FAM13C: variants seen among roughly 807,000 people sequenced by gnomAD.
FAM13C encodes the protein family with sequence similarity 13 member C.
Under a neutral mutation model 73.2 loss-of-function variants are expected in FAM13C, and 37 were observed. The observed-to-expected ratio is 0.51, with a 90% confidence interval of 0.39 to 0.67. FAM13C has a LOEUF of 0.67. Among genes scored for constraint, FAM13C ranks in the 30% least tolerant of loss-of-function variants. FAM13C has a pLI of 0.00. For synonymous variants in FAM13C, 246 were observed against 260.9 expected, an observed-to-expected ratio of 0.94 and a Z score of 0.55; for missense variants, 589 against 715.6, an observed-to-expected ratio of 0.82 and a Z score of 2.02.
At chr10:59,302,387 T>C (rs1277343916) in intron 5 of FAM13C, among the ~76,000 whole-genome samples, 1 of 152,246 alleles carries the variant, frequency 6.6e-6, no homozygotes. Flanking sequence ...CACTAAACTA[T>C]ATCATTCTTA....
At position 59,246,578 on chromosome 10, in the gene FAM13C, C is replaced by A. The variant is rs544885161; in HGVS notation, c.*1036G>T. 2 of 396,786 alleles carry A rather than the reference C, an allele frequency of 5.0e-6. No homozygotes were observed. Among genetic ancestry groups the A allele is most frequent in the Admixed American group, 8.8e-5 (2 of 22,678 alleles). 24.6% of individuals were successfully genotyped at this position (396,786 alleles called of 1,614,324 possible). A position where few individuals can be genotyped will look rare whatever the true frequency, so the allele number is the denominator to read the frequency against. ...AAAATGAAAATAATAAACATGTTTT[C>A]GTATAAAATAACACAAAATGATATA... is the stretch of plus-strand genomic sequence containing the variant. On this transcript the variant is annotated 3_prime_UTR_variant, in exon 14 of 14. Coordinates refer to ENST00000618804, the MANE Select transcript of FAM13C (RefSeq NM_198215.4).
At chr10:59,359,912 A>T (rs1239125804) in intron 1 of FAM13C, among the ~76,000 whole-genome samples, 3 of 152,224 alleles carry the variant, frequency 2.0e-5, no homozygotes, top group Admixed American at 6.5e-5. Context: ...TTAAAATAGC[A>T]AGTTAGCTGG....
At chr10:59,271,341 G>T (rs1843696645) in intron 6 of FAM13C, among the ~76,000 whole-genome samples, 1 of 152,212 alleles carries the variant, frequency 6.6e-6, no homozygotes, top group Non-Finnish European at 1.5e-5. Flanking sequence ...AGCTTGAAAT[G>T]CAATCTGCTT....
At chr10:59,333,414 T>C (rs547385412) in intron 3 of FAM13C, among the ~76,000 whole-genome samples, 9 of 152,172 alleles carry the variant, frequency 5.9e-5, no homozygotes, top group Admixed American at 1.3e-4. Flanking sequence ...CTTGAACCTG[T>C]GAGAGGGAGT....
chr10:59,255,086 A>G (rs917029780), intron 10 of FAM13C, among the ~76,000 whole-genome samples: 2 of 152,162 alleles, frequency 1.3e-5, no homozygotes, highest in African/African-American at 4.8e-5. Flanking sequence ...CTTCTGAAAC[A>G]TGTATTTTAT....
At chr10:59,330,613 A>G (rs894892379) in intron 3 of FAM13C, among the ~76,000 whole-genome samples, 3 of 152,120 alleles carry the variant, frequency 2.0e-5, no homozygotes, top group African/African-American at 7.2e-5. Context: ...AGGATTTACC[A>G]GTTGTGAGAT....
At chr10:59,318,544 G>C (rs1849816554) in intron 4 of FAM13C, among the ~76,000 whole-genome samples, 1 of 152,130 alleles carries the variant, frequency 6.6e-6, no homozygotes. Context: ...TATGTTAGAG[G>C]AGGGGGCCCA....
At position 59,262,421 on chromosome 10, in the gene FAM13C, C is replaced by A. The variant is rs1351605560; in HGVS notation, c.1236+13G>T. On this transcript the variant is annotated intron_variant, in intron 10 of 13. Coordinates refer to ENST00000618804, the MANE Select transcript of FAM13C (RefSeq NM_198215.4). ...TACAGGGGCCCTCTATATAACAAGA[C>A]ATGGTGATGTACCTTAGAATCCTCC... 2 of 1,612,166 alleles carry A rather than the reference C, an allele frequency of 1.2e-6. No homozygotes were observed. The highest frequency in any genetic ancestry group is 4.5e-5 in the East Asian group (2 of 44,850).
chr10:59,319,136 C>T (rs562419186), intron 4 of FAM13C, among the ~76,000 whole-genome samples: 1 of 146,066 alleles, frequency 6.8e-6, no homozygotes. Context: ...ATCTCAAAAA[C>T]AAAAGATGAA....
chr10:59,292,861 T>C (rs1846424351), intron 5 of FAM13C, among the ~76,000 whole-genome samples: 1 of 152,134 alleles, frequency 6.6e-6, no homozygotes, highest in Non-Finnish European at 1.5e-5. Flanking sequence ...AAATCTTCTC[T>C]CCTAGCTATT....
chr10:59,360,471 C>T (rs1856257911), intron 1 of FAM13C, among the ~76,000 whole-genome samples: 1 of 152,122 alleles, frequency 6.6e-6, no homozygotes, highest in African/African-American at 2.4e-5. Context: ...CACACCCAAA[C>T]ATTTCCTGAG....
rs1405894636 is a variant in FAM13C, at chr10:59,262,512, A to G, written c.1158T>C (p.Ser386=). 6.2e-7 allele frequency: 1 copy of G among 1,613,708 alleles called. No homozygotes were observed. The highest frequency in any genetic ancestry group is 8.5e-7 in the Non-Finnish European group (1 of 1,179,766). The part of the protein sequence containing the change: ...PEAAGPEPSS[S]GEETPDAALT... The stretch of plus-strand genomic sequence containing the variant: ...AGGCAGCATCTGGAGTCTCTTCTCC[A>G]GAGGAGCTTGGCTCCGGGCCCGCAG... Residue 386 remains serine (S), a synonymous_variant, in exon 10 of 14, where the codon TCT becomes TCC. Transcript: ENST00000618804.
chr10:59,323,943 A>C, intron 4 of FAM13C, 45 bp downstream of exon 4: 3 of 1,533,002 alleles, frequency 2.0e-6, no homozygotes, highest in Non-Finnish European at 2.7e-6. Flanking sequence ...ATTTCTGAGA[A>C]AGGAACCACA....
At chr10:59,326,643 T>C (rs1005483999) in intron 3 of FAM13C, among the ~76,000 whole-genome samples, 2 of 152,100 alleles carry the variant, frequency 1.3e-5, no homozygotes, top group East Asian at 3.9e-4. Flanking sequence ...GAATAAAGAT[T>C]TTTAGTTTAG....
intron 6 of FAM13C, among the ~76,000 whole-genome samples, chr10:59,275,033 C>A (rs1048463949): frequency 6.6e-6 from 1 of 152,132 alleles, no homozygotes; most frequent in Non-Finnish European, 1.5e-5. Flanking sequence ...TAGTTGATCA[C>A]CTTAGTGGTA....
intron 4 of FAM13C, among the ~76,000 whole-genome samples, chr10:59,316,913 G>A (rs1406576508): frequency 6.6e-6 from 1 of 152,092 alleles, no homozygotes; most frequent in Non-Finnish European, 1.5e-5. Flanking sequence ...ATAACACAAT[G>A]TAATATACAG....
At chr10:59,321,340 G>A (rs1850225143) in intron 4 of FAM13C, among the ~76,000 whole-genome samples, 1 of 151,768 alleles carries the variant, frequency 6.6e-6, no homozygotes, top group Non-Finnish European at 1.5e-5. Flanking sequence ...ATAAGCCATG[G>A]AATGTGGGCA....
intron 13 of FAM13C, 39 bp from the exon 14 acceptor site, chr10:59,247,776 CAA>C (rs1840855129): frequency 6.3e-7 from 1 of 1,575,718 alleles, no homozygotes; most frequent in Non-Finnish European, 8.6e-7. Context: ...CACAATGAAT[CAA>C]GTCATTATTT....
At chr10:59,271,112 G>C (rs532886139) in intron 6 of FAM13C, among the ~76,000 whole-genome samples, 32 of 152,292 alleles carry the variant, frequency 2.1e-4, no homozygotes, top group African/African-American at 7.0e-4. Context: ...TCAAGAAGCA[G>C]CCCAGTCTCC....
Sources: gnomAD v4.1 joint callset for allele counts (sites outside exome capture counted in the v4.1 genomes callset) on GRCh38, gnomAD v4.1.1 for gene constraint, MANE v1.5 for transcripts, NCBI Gene and HGNC (gene_info 2026-07-23, HGNC 2026-07-21) for gene names.